The following MTA3 variants were observed in gnomAD, a reference collection of about 807,000 sequenced individuals.
MTA3 encodes the protein metastasis-associated protein MTA3.
In MTA3, 34 loss-of-function variants were observed where a neutral mutation model predicts 83.5. The ratio of observed to expected loss-of-function variants is 0.41; its 90% CI spans 0.31 to 0.54. The LOEUF (loss-of-function observed/expected upper bound fraction) is 0.54. Ranked by LOEUF, MTA3 falls within the 20% of genes least tolerant of loss-of-function variation. The probability of loss-of-function intolerance (pLI) is 0.33; values close to 1 mark genes in which losing one functional copy is unlikely to be tolerated. For missense variants in MTA3, 761 were observed against 726.4 expected, an observed-to-expected ratio of 1.05 and a Z score of -0.55; for synonymous variants, 303 against 252.7, an observed-to-expected ratio of 1.20 and a Z score of -1.89.
rs1287137250 is a variant in MTA3, at chr2:42,755,520, G to T, written c.*2121G>T. 2 of 985,456 alleles carry T rather than the reference G, an allele frequency of 2.0e-6. No individual in the cohort carries two copies. Among genetic ancestry groups the T allele is most frequent in the Non-Finnish European group, 2.4e-6 (2 of 829,954 alleles). The allele number at this position is 985,456 out of a possible 1,614,324, so 61.0% of individuals were successfully genotyped here. On this transcript the variant is annotated 3_prime_UTR_variant, in exon 17 of 17. Transcript: ENST00000405094. ...AGCAGGCTTTTCCTTCCTCTTGTAA[G>T]TAAAGCTCGTGGTTCTGTAGTCCAG...
chr2:42,523,704 G>A (rs1197020676), intron 2 of MTA3, among the ~76,000 whole-genome samples: 1 of 152,120 alleles, frequency 6.6e-6, no homozygotes, highest in Admixed American at 6.6e-5. Flanking sequence ...CTTGAGCCCA[G>A]GAGTTTCAGA....
At chr2:42,557,624 T>C (rs1469696047) in intron 2 of MTA3, among the ~76,000 whole-genome samples, 1 of 152,212 alleles carries the variant, frequency 6.6e-6, no homozygotes, top group Non-Finnish European at 1.5e-5. Context: ...TCTGTAATAC[T>C]CATGCTTTTT....
At chr2:42,518,567 CA>C (rs1485668714) in intron 2 of MTA3, among the ~76,000 whole-genome samples, 8 of 152,128 alleles carry the variant, frequency 5.3e-5, no homozygotes, top group Non-Finnish European at 7.4e-5. Flanking sequence ...GAAGAAAAGA[CA>C]AATCTCCATG....
chr2:42,580,036 C>T (rs1005016625), intron 3 of MTA3, among the ~76,000 whole-genome samples: 9 of 152,024 alleles, frequency 5.9e-5, no homozygotes, highest in South Asian at 2.1e-4. Flanking sequence ...CTCGATGTCC[C>T]GGGCTGAAGC....
intron 8 of MTA3, among the ~76,000 whole-genome samples, chr2:42,673,714 T>G (rs755636909): frequency 6.6e-6 from 1 of 152,206 alleles, no homozygotes; most frequent in Non-Finnish European, 1.5e-5. Context: ...AGGCCTCAGC[T>G]GACTCCAGCT....
At chr2:42,539,285 C>T (rs1646157910) in intron 2 of MTA3, among the ~76,000 whole-genome samples, 1 of 152,046 alleles carries the variant, frequency 6.6e-6, no homozygotes, top group Admixed American at 6.6e-5. Flanking sequence ...TACAGTTCCG[C>T]AGGGCTGGGG....
intron 2 of MTA3, among the ~76,000 whole-genome samples, chr2:42,542,209 AG>A (rs1308460180): frequency 6.6e-6 from 1 of 152,236 alleles, no homozygotes; most frequent in East Asian, 1.9e-4. Flanking sequence ...TACGCCAGTC[AG>A]CTAGGGACAG....
chr2:42,514,277 C>G (rs1675034128), intron 2 of MTA3, among the ~76,000 whole-genome samples: 1 of 152,154 alleles, frequency 6.6e-6, no homozygotes, highest in Non-Finnish European at 1.5e-5. Context: ...TAAGAGTTAT[C>G]TAAGGAGAAG....
intron 2 of MTA3, among the ~76,000 whole-genome samples, chr2:42,512,687 C>T (rs941487727): frequency 6.6e-6 from 1 of 152,108 alleles, no homozygotes; most frequent in African/African-American, 2.4e-5. Flanking sequence ...ACATTTTCTC[C>T]TCTAGATAAC....
chr2:42,551,298 C>G (rs770954317), intron 2 of MTA3, among the ~76,000 whole-genome samples: 2 of 151,992 alleles, frequency 1.3e-5, no homozygotes, highest in African/African-American at 4.8e-5. Context: ...TCAAACAATT[C>G]TCCTGTTTCA....
intron 1 of MTA3, among the ~76,000 whole-genome samples, chr2:42,570,151 A>G (rs1305063624): frequency 6.6e-6 from 1 of 152,168 alleles, no homozygotes; most frequent in Admixed American, 6.6e-5. Context: ...ACACAGTGAT[A>G]AGAGGTGTCT....
intron 14 of MTA3, among the ~76,000 whole-genome samples, chr2:42,711,048 C>T (rs994167368): frequency 6.6e-6 from 1 of 152,066 alleles, no homozygotes; most frequent in Non-Finnish European, 1.5e-5. Flanking sequence ...CACCGCACTC[C>T]AGCCTGGGCA....
At chr2:42,504,026 C>G (rs1447176425) in intron 2 of MTA3, among the ~76,000 whole-genome samples, 1 of 146,582 alleles carries the variant, frequency 6.8e-6, no homozygotes, top group Admixed American at 7.1e-5. Flanking sequence ...CGGGTTCAAG[C>G]GATTCTCCTG....
At chr2:42,558,182 T>C (rs1251190752) in intron 2 of MTA3, among the ~76,000 whole-genome samples, 1 of 151,900 alleles carries the variant, frequency 6.6e-6, no homozygotes, top group Admixed American at 6.6e-5. Context: ...GCTCTCCTCC[T>C]GATCACTACC....
In MTA3 at chr2:42,568,779, C is replaced by A. The variant is rs1678101358; in HGVS notation, c.28+6C>A. On this transcript the variant is annotated splice_donor_region_variant and intron_variant, in intron 1 of 16. Transcript: ENST00000405094. ...CAACATGTACCGGGTCGGAGGTAGG[C>A]AGGCTCGGCCCGACCCGGCCCGTGT... 2.5e-6 allele frequency: 3 copies of A among 1,216,134 alleles called. No individual in the cohort carries two copies. The highest frequency in any genetic ancestry group is 3.1e-6 in the Non-Finnish European group (3 of 977,778). 75.3% of individuals were successfully genotyped at this position (1,216,134 alleles called of 1,614,324 possible). A position where few individuals can be genotyped will look rare whatever the true frequency, so the allele number is the denominator to read the frequency against.
intron 2 of MTA3, among the ~76,000 whole-genome samples, chr2:42,548,201 A>T (rs1432279745): frequency 6.6e-6 from 1 of 152,206 alleles, no homozygotes; most frequent in Non-Finnish European, 1.5e-5. Context: ...GCGCTGGCTC[A>T]TGCCTGGAAT....
At chr2:42,709,417 A>G (rs1272494143) in intron 14 of MTA3, 2 of 617,742 alleles carry the variant, frequency 3.2e-6, no homozygotes, top group East Asian at 7.0e-5. Flanking sequence ...AAGCACTTTT[A>G]CCTTTTAGGT....
chr2:42,547,966 T>C (rs1418384067), intron 2 of MTA3, among the ~76,000 whole-genome samples: 1 of 152,166 alleles, frequency 6.6e-6, no homozygotes, highest in Non-Finnish European at 1.5e-5. Context: ...AATAAAGAAG[T>C]ACGGAGTCCT....
chr2:42,756,017 C>T lies in MTA3; in HGVS notation c.*2618C>T. 1.0e-6 allele frequency: 1 copy of T among 985,192 alleles called. No homozygotes were observed. Among genetic ancestry groups the T allele is most frequent in the Non-Finnish European group, 1.2e-6 (1 of 829,686 alleles). 61.0% of individuals were successfully genotyped at this position (985,192 alleles called of 1,614,324 possible). A position where few individuals can be genotyped will look rare whatever the true frequency, so the allele number is the denominator to read the frequency against. On this transcript the variant is annotated 3_prime_UTR_variant, in exon 17 of 17. Coordinates refer to ENST00000405094, the MANE Select transcript of MTA3 (RefSeq NM_001330442.2). ...AGCCCAGTTTCCATCTCTCAGGGCC[C>T]ACCCAGGAAAATGGATTTCAAGTGG...
Sources: allele counts gnomAD v4.1 joint callset (sites outside exome capture counted in the v4.1 genomes callset), GRCh38; gene constraint gnomAD v4.1.1; transcripts MANE v1.5; gene names NCBI Gene and HGNC (gene_info 2026-07-23, HGNC 2026-07-21).